PCSK2: variants seen among roughly 807,000 people sequenced by gnomAD.
PCSK2 encodes proprotein convertase subtilisin/kexin type 2, also known as neuroendocrine convertase 2.
Under a neutral mutation model 69.7 loss-of-function variants are expected in PCSK2, and 14 were observed. The ratio of observed to expected loss-of-function variants is 0.20; its 90% CI spans 0.13 to 0.31. PCSK2 has a LOEUF of 0.31. Among genes scored for constraint, PCSK2 ranks in the 10% least tolerant of loss-of-function variants. The probability of loss-of-function intolerance (pLI) is 1.00; values close to 1 mark genes in which losing one functional copy is unlikely to be tolerated. For synonymous variants in PCSK2, 307 were observed against 320.7 expected, an observed-to-expected ratio of 0.96 and a Z score of 0.46; for missense variants, 544 against 842.5, an observed-to-expected ratio of 0.65 and a Z score of 4.39.
intron 7 of PCSK2, among the ~76,000 whole-genome samples, chr20:17,431,109 G>A (rs1237639050): frequency 6.6e-6 from 1 of 152,118 alleles, no homozygotes; most frequent in African/African-American, 2.4e-5. Context: ...AATGTGGGAG[G>A]TGGTCCCCGG....
chr20:17,480,072 A>G (rs140001778), intron 11 of PCSK2, among the ~76,000 whole-genome samples: 2 of 151,946 alleles, frequency 1.3e-5, no homozygotes, highest in African/African-American at 4.8e-5. Context: ...GACAGCCTAG[A>G]GAGTACTTGG....
intron 5 of PCSK2, among the ~76,000 whole-genome samples, chr20:17,386,628 T>G (rs1407454160): frequency 1.3e-5 from 2 of 152,062 alleles, no homozygotes; most frequent in Non-Finnish European, 2.9e-5. Context: ...GTTGCCAGGG[T>G]CTGGGTTGAG....
intron 1 of PCSK2, among the ~76,000 whole-genome samples, chr20:17,257,383 G>A (rs954582688): frequency 6.6e-6 from 1 of 152,152 alleles, no homozygotes; most frequent in Non-Finnish European, 1.5e-5. Context: ...CAAGGATCTA[G>A]AACCAGAAAT....
chr20:17,348,233 T>G (rs2029878606), intron 2 of PCSK2, among the ~76,000 whole-genome samples: 1 of 152,196 alleles, frequency 6.6e-6, no homozygotes. Context: ...CCAGCTGGCT[T>G]CTCTTCTCAC....
At chr20:17,378,354 T>C (rs919079510) in intron 5 of PCSK2, among the ~76,000 whole-genome samples, 1 of 152,180 alleles carries the variant, frequency 6.6e-6, no homozygotes, top group Non-Finnish European at 1.5e-5. Flanking sequence ...CATCTGGAGA[T>C]TTGCTTCCAC....
At chr20:17,287,431 C>CTGTGTGTGTGTGTG (rs67695913) in intron 2 of PCSK2, among the ~76,000 whole-genome samples, 5,113 of 145,940 alleles carry the variant, frequency 0.035, 151 homozygotes, top group East Asian at 0.17. Flanking sequence ...ATGTGCGTGT[C>CTGTGTGTGTGTGTG]TGTGTGTGTG....
intron 8 of PCSK2, 67 bp downstream of exon 8, chr20:17,436,950 T>G: frequency 7.4e-7 from 1 of 1,342,494 alleles, no homozygotes; most frequent in Middle Eastern, 2.4e-4. Context: ...GAGGGGTAGA[T>G]GCAACTGGGT....
At chr20:17,387,488 T>C (rs2031266576) in intron 5 of PCSK2, among the ~76,000 whole-genome samples, 1 of 152,176 alleles carries the variant, frequency 6.6e-6, no homozygotes, top group Admixed American at 6.5e-5. Context: ...ATGGTTCACA[T>C]GGTGGCTGTT....
At chr20:17,228,528 G>A (rs913636059) in intron 1 of PCSK2, among the ~76,000 whole-genome samples, 1 of 152,160 alleles carries the variant, frequency 6.6e-6, no homozygotes, top group Non-Finnish European at 1.5e-5. Context: ...AAAGGACAGA[G>A]ATGTGGCTAC....
At chr20:17,259,529 C>A (rs756472622) in intron 1 of PCSK2, among the ~76,000 whole-genome samples, 1 of 152,186 alleles carries the variant, frequency 6.6e-6, no homozygotes, top group Non-Finnish European at 1.5e-5. Flanking sequence ...GCTCTTCCCA[C>A]CAAGTTACCT....
chr20:17,298,628 T>C (rs1988974665), intron 2 of PCSK2, among the ~76,000 whole-genome samples: 1 of 152,188 alleles, frequency 6.6e-6, no homozygotes, highest in African/African-American at 2.4e-5. Flanking sequence ...CCACCAGTAC[T>C]TTCATATCCT....
chr20:17,421,121 A>G (rs1198041812), intron 6 of PCSK2, among the ~76,000 whole-genome samples: 1 of 152,250 alleles, frequency 6.6e-6, no homozygotes, highest in Non-Finnish European at 1.5e-5. Flanking sequence ...CTCTCTGTCA[A>G]GATTCTAGTG....
intron 2 of PCSK2, among the ~76,000 whole-genome samples, chr20:17,283,334 C>A (rs1988389723): frequency 6.6e-6 from 1 of 152,102 alleles, no homozygotes; most frequent in Non-Finnish European, 1.5e-5. Context: ...CGGGGGCATT[C>A]AGGGTGAGTT....
chr20:17,233,212 A>G (rs1185731447), intron 1 of PCSK2, among the ~76,000 whole-genome samples: 1 of 152,198 alleles, frequency 6.6e-6, no homozygotes, highest in Admixed American at 6.5e-5. Flanking sequence ...AGGTTACTAA[A>G]TCTCTCAGAG....
chr20:17,350,123 G>A (rs1439433553), intron 2 of PCSK2, among the ~76,000 whole-genome samples: 1 of 147,994 alleles, frequency 6.8e-6, no homozygotes, highest in Non-Finnish European at 1.5e-5. Flanking sequence ...ATTGGATTGA[G>A]AACCCATCCT....
At chr20:17,445,384 T>G (rs1234061876) in intron 8 of PCSK2, among the ~76,000 whole-genome samples, 1 of 152,104 alleles carries the variant, frequency 6.6e-6, no homozygotes, top group African/African-American at 2.4e-5. Context: ...CTCTTCAGAG[T>G]TGCTGCTGGA....
At chr20:17,405,441 G>GCTTTGACTGCA (rs1313903817) in intron 5 of PCSK2, among the ~76,000 whole-genome samples, 16 of 152,330 alleles carry the variant, frequency 1.1e-4, no homozygotes, top group Non-Finnish European at 2.2e-4. Flanking sequence ...AATGGGCACA[G>GCTTTGACTGCA]CCACCATTGA....
At chr20:17,372,358 G>A (rs960568325) in intron 5 of PCSK2, among the ~76,000 whole-genome samples, 15 of 151,618 alleles carry the variant, frequency 9.9e-5, no homozygotes, top group Middle Eastern at 3.4e-3. Flanking sequence ...CAGCCTGGGC[G>A]ACAGAGGGAG....
At chr20:17,296,635 G>C (rs6111491) in intron 2 of PCSK2, among the ~76,000 whole-genome samples, 6,168 of 152,294 alleles carry the variant, frequency 0.041, 128 homozygotes, top group Middle Eastern at 0.061. Context: ...GGGAAGGAAA[G>C]AGAGCACGTG....
Sources: gnomAD v4.1 joint callset for allele counts (sites outside exome capture counted in the v4.1 genomes callset) on GRCh38, gnomAD v4.1.1 for gene constraint, MANE v1.5 for transcripts, NCBI Gene and HGNC (gene_info 2026-07-23, HGNC 2026-07-21) for gene names.